CAPS2: variants seen among roughly 807,000 people sequenced by gnomAD.
The protein encoded by CAPS2 is calcyphosin-2.
A neutral mutation model predicts 86.5 loss-of-function variants in CAPS2; 98 were observed. The observed-to-expected ratio is 1.13, with a 90% confidence interval of 0.96 to 1.34. The LOEUF (loss-of-function observed/expected upper bound fraction) is 1.34, where lower values mean the gene tolerates loss of function less well. Ranked by LOEUF, CAPS2 falls within the 40% of genes most tolerant of loss-of-function variation. The pLI is 0.00. For synonymous variants in CAPS2, 210 were observed against 225.1 expected, an observed-to-expected ratio of 0.93 and a Z score of 0.60; for missense variants, 729 against 686.8, an observed-to-expected ratio of 1.06 and a Z score of -0.69.
intron 11 of CAPS2, chr12:75,298,101 A>G (rs142258518): frequency 0.014 from 2,067 of 152,724 alleles, 22 homozygotes; most frequent in Non-Finnish European, 0.017. Context: ...ATCACTGTGG[A>G]TAGTGCTGTA....
intron 8 of CAPS2, among the ~76,000 whole-genome samples, chr12:75,304,294 A>T (rs1593387049): frequency 6.6e-6 from 1 of 152,226 alleles, no homozygotes; most frequent in Non-Finnish European, 1.5e-5. Flanking sequence ...CCGAGGTTAG[A>T]TGTCAGTGAA....
chr12:75,374,288 C>T lies in CAPS2; in HGVS notation c.-395+16550G>A, dbSNP rs142879353. ...CCCACACTCAAAACTGGCAGCCTTT[C>T]GAGTTACTCGACAGATGGGCCAGAG... On this transcript the variant is annotated intron_variant, in intron 1 of 5. Coordinates refer to the CAPS2 transcript ENST00000551829. Among the ~76,000 whole-genome samples, 405 of 152,322 alleles carry T rather than the reference C, an allele frequency of 2.7e-3. 2 individuals carry two copies. The highest frequency in any genetic ancestry group is 9.5e-3 in the African/African-American group (393 of 41,568).
chr12:75,330,111 C>A, upstream of CAPS2: 1 of 373,314 alleles, frequency 2.7e-6, no homozygotes, highest in Admixed American at 4.6e-5. Context: ...ACACTCTGAC[C>A]TCCAGGGACG....
chr12:75,341,471 G>C (rs1055064553), intron 1 of CAPS2, among the ~76,000 whole-genome samples: 5 of 152,056 alleles, frequency 3.3e-5, no homozygotes, highest in African/African-American at 1.2e-4. Context: ...CTTTGAAACG[G>C]AGTCTCGCTG....
intron 1 of CAPS2, chr12:75,343,618 G>A: frequency 8.7e-7 from 1 of 1,151,648 alleles, no homozygotes; most frequent in Non-Finnish European, 1.2e-6. Flanking sequence ...GCAAAACTTA[G>A]TTGATTACAA....
chr12:75,374,313 G>A (rs1324296569), intron 1 of CAPS2, among the ~76,000 whole-genome samples: 1 of 152,232 alleles, frequency 6.6e-6, no homozygotes, highest in South Asian at 2.1e-4. Context: ...ATGGGCCAGA[G>A]TAACACACCC....
chr12:75,353,475 A>G (rs535490168), intron 1 of CAPS2, among the ~76,000 whole-genome samples: 51 of 152,322 alleles, frequency 3.3e-4, no homozygotes, highest in African/African-American at 9.6e-4. Flanking sequence ...TAGACCAATA[A>G]CAAGTTCTGA....
chr12:75,334,593 G>C (rs970056631), upstream of CAPS2: 3 of 1,455,412 alleles, frequency 2.1e-6, no homozygotes, highest in African/African-American at 2.8e-5. Flanking sequence ...AGTTGATCCA[G>C]CCGCGCTGGG....
At chr12:75,382,114 T>C (rs2045027962) in intron 1 of CAPS2, among the ~76,000 whole-genome samples, 1 of 152,012 alleles carries the variant, frequency 6.6e-6, no homozygotes, top group African/African-American at 2.4e-5. Context: ...ATCTTAAATT[T>C]GAATTATAGA....
chr12:75,367,418 G>T (rs1354220566), intron 1 of CAPS2, among the ~76,000 whole-genome samples: 1 of 151,190 alleles, frequency 6.6e-6, no homozygotes, highest in Non-Finnish European at 1.5e-5. Context: ...TTATTTTACT[G>T]TTTAAACTTT....
chr12:75,347,058 G>T, intron 1 of CAPS2, among the ~76,000 whole-genome samples: 1 of 150,398 alleles, frequency 6.6e-6, no homozygotes, highest in African/African-American at 2.5e-5. Context: ...GAATAACTTT[G>T]CTATTCTTTG....
chr12:75,299,508 TAA>T (rs1253562464), intron 9 of CAPS2, among the ~76,000 whole-genome samples: 1 of 152,104 alleles, frequency 6.6e-6, no homozygotes, highest in Non-Finnish European at 1.5e-5. Context: ...AAGATAAAAT[TAA>T]ATAAAGCAGC....
chr12:75,352,055 G>T (rs183747820), intron 1 of CAPS2, among the ~76,000 whole-genome samples: 8 of 152,114 alleles, frequency 5.3e-5, no homozygotes, highest in African/African-American at 9.7e-5. Flanking sequence ...CAAAAAACAT[G>T]CTGAAGTACA....
intron 1 of CAPS2, among the ~76,000 whole-genome samples, chr12:75,370,745 T>C (rs74108756): frequency 0.015 from 2,340 of 152,308 alleles, 48 homozygotes; most frequent in African/African-American, 0.054. Flanking sequence ...TTTTTAAATA[T>C]GCCCCACAGA....
At chr12:75,285,704 T>C (rs2034754119) in intron 14 of CAPS2, among the ~76,000 whole-genome samples, 2 of 151,992 alleles carry the variant, frequency 1.3e-5, no homozygotes, top group Admixed American at 1.3e-4. Context: ...GATATATAGA[T>C]ATGTGTGTGT....
chr12:75,297,279 G>A (rs2037069971), intron 11 of CAPS2, among the ~76,000 whole-genome samples: 1 of 152,190 alleles, frequency 6.6e-6, no homozygotes, highest in Non-Finnish European at 1.5e-5. Flanking sequence ...TGAAATGGGA[G>A]TCGAGCTGAT....
At chr12:75,299,001 T>A (rs1036279608) in intron 9 of CAPS2, 35 bp from the exon 10 acceptor site, 5 of 1,352,230 alleles carry the variant, frequency 3.7e-6, no homozygotes, top group Non-Finnish European at 4.1e-6. Context: ...CATCTTCAAA[T>A]AGAATAATTT....
chr12:75,389,753 G>A (rs1434459869), intron 1 of CAPS2, among the ~76,000 whole-genome samples: 1 of 152,038 alleles, frequency 6.6e-6, no homozygotes, highest in East Asian at 1.9e-4. Flanking sequence ...TTCCAGAAAG[G>A]CTTCCCTGCT....
At chr12:75,304,002 G>A (rs914135356) in intron 8 of CAPS2, among the ~76,000 whole-genome samples, 6 of 152,150 alleles carry the variant, frequency 3.9e-5, no homozygotes, top group African/African-American at 1.4e-4. Context: ...TAGAAGGAAT[G>A]TAGCCCTATC....
Sources: gnomAD v4.1 joint callset for allele counts (sites outside exome capture counted in the v4.1 genomes callset) on GRCh38, gnomAD v4.1.1 for gene constraint, MANE v1.5 for transcripts, NCBI Gene and HGNC (gene_info 2026-07-23, HGNC 2026-07-21) for gene names.